The following KANK1 variants were observed in gnomAD, a reference collection of about 807,000 sequenced individuals.
KANK1 encodes the protein KN motif and ankyrin repeat domains 1.
Under a neutral mutation model 106.2 loss-of-function variants are expected in KANK1, and 109 were observed. The ratio of observed to expected loss-of-function variants is 1.03; its 90% CI spans 0.88 to 1.20. The LOEUF (loss-of-function observed/expected upper bound fraction) is 1.20. KANK1 is among the 50% of genes most tolerant of loss of function. The pLI, the probability that KANK1 is intolerant of heterozygous loss-of-function variation, is 0.00. For missense variants in KANK1, 2,399 were observed against 1,710.7 expected, an observed-to-expected ratio of 1.40 and a Z score of -7.10; for synonymous variants, 873 against 652.2, an observed-to-expected ratio of 1.34 and a Z score of -5.16.
intron 1 of KANK1, among the ~76,000 whole-genome samples, chr9:529,926 A>C (rs868501983): frequency 6.6e-6 from 1 of 152,184 alleles, no homozygotes; most frequent in African/African-American, 2.4e-5. Flanking sequence ...TTGTTTCTTT[A>C]TATCGTTGCC....
intron 7 of KANK1, among the ~76,000 whole-genome samples, chr9:737,201 A>C (rs1233292224): frequency 2.6e-5 from 4 of 152,182 alleles, no homozygotes; most frequent in African/African-American, 9.7e-5. Flanking sequence ...AACTCCAGAG[A>C]AACAGGAATG....
intron 1 of KANK1, among the ~76,000 whole-genome samples, chr9:545,724 C>CT (rs61622402): frequency 0.049 from 5,037 of 102,570 alleles, 314 homozygotes; most frequent in African/African-American, 0.081. Context: ...TGTACAGAGC[C>CT]TTTTTTTTTT....
chr9:710,726 C>T (rs1825803429), intron 2 of KANK1, 78 bp from the exon 3 acceptor site: 9 of 1,340,638 alleles, frequency 6.7e-6, no homozygotes, highest in South Asian at 2.9e-5. Flanking sequence ...GCTTGCTGTA[C>T]TGCAACAAAC....
intron 1 of KANK1, among the ~76,000 whole-genome samples, chr9:514,750 G>A (rs181857474): frequency 1.6e-4 from 25 of 151,816 alleles, no homozygotes; most frequent in African/African-American, 4.6e-4. Context: ...TGTCATGAAT[G>A]ATTTTGTATG....
At chr9:653,432 A>G (rs1429171878) in intron 1 of KANK1, among the ~76,000 whole-genome samples, 1 of 152,094 alleles carries the variant, frequency 6.6e-6, no homozygotes, top group African/African-American at 2.4e-5. Context: ...TTTTTGTCAT[A>G]TAAGAGAAGA....
chr9:499,189 AAAAGTT>A (rs1223260359), intron 3 of KANK1, among the ~76,000 whole-genome samples: 1 of 152,104 alleles, frequency 6.6e-6, no homozygotes, highest in Non-Finnish European at 1.5e-5. Flanking sequence ...AAAAAAAAAA[AAAAGTT>A]AAACGCAGAG....
intron 1 of KANK1, among the ~76,000 whole-genome samples, chr9:576,650 G>T (rs116260589): frequency 4.3e-4 from 65 of 152,242 alleles, no homozygotes; most frequent in African/African-American, 1.5e-3. Context: ...TTTCCTCATG[G>T]GGCATGCAGT....
rs142668390 is a variant in KANK1, at chr9:686,851, G to C, written c.37+9842G>C. 64 of 985,300 alleles carry C rather than the reference G, an allele frequency of 6.5e-5. No individual in the cohort carries two copies. In the African/African-American group the frequency reaches 1.0e-3, roughly 16 times the overall value. The allele number at this position is 985,300 out of a possible 1,614,324, so 61.0% of individuals were successfully genotyped here. ...GTTACTTGGGTGCTAGAAAACAGCA[G>C]CTGGAATTCACAACACCTCAGGACA... On this transcript the variant is annotated intron_variant, in intron 2 of 11. Transcript: ENST00000382297.
intron 1 of KANK1, among the ~76,000 whole-genome samples, chr9:551,194 C>G (rs1441296611): frequency 6.6e-6 from 1 of 151,352 alleles, no homozygotes; most frequent in Non-Finnish European, 1.5e-5. Flanking sequence ...GGGCTTTTCG[C>G]AGTTACAATA....
chr9:613,882 T>C (rs1474760040), intron 1 of KANK1, among the ~76,000 whole-genome samples: 3 of 152,182 alleles, frequency 2.0e-5, no homozygotes, highest in African/African-American at 7.2e-5. Flanking sequence ...GTACTAAACA[T>C]GGGTAAAAGT....
chr9:577,679 G>A (rs931261344), intron 1 of KANK1, among the ~76,000 whole-genome samples: 4 of 152,192 alleles, frequency 2.6e-5, no homozygotes, highest in African/African-American at 9.7e-5. Context: ...AAACTTGGTA[G>A]AAGTACACAT....
chr9:732,488 A>T lies in KANK1; in HGVS notation c.3116A>T (p.Glu1039Val). ...EYPLEEEEEE[E>V]DEDTRGMAEG... ...CCTCTTGAAGAAGAGGAGGAGGAGG[A>T]GGATGAAGACACTCGGGGAATGGCA... is the stretch of plus-strand genomic sequence containing the variant. Residue 1039 changes from glutamate to valine, a missense_variant, in exon 6 of 12, where the codon GAG becomes GTG. Coordinates refer to ENST00000382297, the MANE Select transcript of KANK1 (RefSeq NM_015158.5). The T allele has an allele frequency of 6.2e-7, 1 of 1,614,128 alleles. No individual in the cohort carries two copies. The highest frequency in any genetic ancestry group is 8.5e-7 in the Non-Finnish European group (1 of 1,180,014).
intron 2 of KANK1, among the ~76,000 whole-genome samples, chr9:690,093 G>A (rs1819510179): frequency 3.4e-5 from 5 of 145,908 alleles, no homozygotes; most frequent in Non-Finnish European, 7.5e-5. Context: ...TTTGAGACCA[G>A]GCTGGCCAAC....
intron 1 of KANK1, among the ~76,000 whole-genome samples, chr9:589,357 C>T (rs1468815355): frequency 1.3e-5 from 2 of 152,148 alleles, no homozygotes; most frequent in Admixed American, 6.5e-5. Flanking sequence ...CTTGATGCTT[C>T]ATAACATCAT....
At chr9:689,408 C>T (rs1819340140) in intron 2 of KANK1, among the ~76,000 whole-genome samples, 1 of 152,176 alleles carries the variant, frequency 6.6e-6, no homozygotes, top group Non-Finnish European at 1.5e-5. Flanking sequence ...CCGGGGCACA[C>T]CCTCCTCATG....
chr9:725,496 C>A (rs78164473), intron 3 of KANK1, among the ~76,000 whole-genome samples: 1,373 of 116,346 alleles, frequency 0.012, no homozygotes, highest in Non-Finnish European at 0.013. Flanking sequence ...GACTCTGTCT[C>A]AAAAAAAAAA....
At chr9:574,871 G>GA (rs889539405) in intron 1 of KANK1, among the ~76,000 whole-genome samples, 2 of 142,978 alleles carry the variant, frequency 1.4e-5, no homozygotes. Flanking sequence ...AAAAAAAAAA[G>GA]AAAAAAAATA....
chr9:667,515 G>C (rs1425333138), intron 1 of KANK1, among the ~76,000 whole-genome samples: 1 of 151,718 alleles, frequency 6.6e-6, no homozygotes, highest in South Asian at 2.1e-4. Context: ...CCATTATTAG[G>C]TTGTCTTTTG....
At chr9:565,867 A>G (rs1298584534) in intron 1 of KANK1, among the ~76,000 whole-genome samples, 4 of 152,194 alleles carry the variant, frequency 2.6e-5, no homozygotes, top group African/African-American at 7.2e-5. Flanking sequence ...GCTTTTAACA[A>G]AACTTTTATT....
Sources: allele counts gnomAD v4.1 joint callset (sites outside exome capture counted in the v4.1 genomes callset), GRCh38; gene constraint gnomAD v4.1.1; transcripts MANE v1.5; gene names NCBI Gene and HGNC (gene_info 2026-07-23, HGNC 2026-07-21).